The following ADAP1 variants were observed in gnomAD, a reference collection of about 807,000 sequenced individuals.
ADAP1 encodes arf-GAP with dual PH domain-containing protein 1.
A neutral mutation model predicts 54.9 loss-of-function variants in ADAP1; 31 were observed. The observed-to-expected ratio is 0.56, with a 90% CI of 0.42 to 0.76. The LOEUF (loss-of-function observed/expected upper bound fraction) is 0.76. Among genes scored for constraint, ADAP1 ranks in the 30% least tolerant of loss-of-function variants. ADAP1 has a pLI of 0.00. For missense variants in ADAP1, 535 were observed against 512.4 expected, an observed-to-expected ratio of 1.04 and a Z score of -0.42; for synonymous variants, 313 against 202.6, an observed-to-expected ratio of 1.55 and a Z score of -4.63.
In ADAP1 at chr7:905,514, AGGGAGAAGGGAGAAG is replaced by A. The variant is rs1845154386; in HGVS notation, c.389-357_389-343del. ...GAGAAGGGAGAAGGGAGAAGGGAGAAGGGAGAAGGGAGAAGGGAGAAGGGAGAAGGGAGAAGGGAG... is the reference window on the plus strand; with the variant it reads ...GAGAAGGGAGAAGGGAGAAGGGAGAAGGAGAAGGGAGAAGGGAGAAGGGAG... On this transcript the variant is annotated intron_variant, in intron 4 of 10. Transcript: ENST00000265846. 8.5e-5 allele frequency: 3 copies of A among 35,124 alleles called. 1 individual carries two copies. Among genetic ancestry groups the A allele is most frequent in the African/African-American group, 2.2e-4 (2 of 8,902 alleles). The allele number at this position is 35,124 out of a possible 1,614,324, so 2.2% of individuals were successfully genotyped here. A position where few individuals can be genotyped will look rare whatever the true frequency, so the allele number is the denominator to read the frequency against.
Position 899,275 on chromosome 7 carries a change from C to T in ADAP1, c.868-14G>A. ...GGCGAAGGCGTCCTGTGGGTGGGGACCGCACTGGAGGCGGGGCCATGTCCC... is the reference window on the plus strand; with the variant it reads ...GGCGAAGGCGTCCTGTGGGTGGGGATCGCACTGGAGGCGGGGCCATGTCCC... On this transcript the variant is annotated splice_polypyrimidine_tract_variant and intron_variant, in intron 9 of 10. Transcript: ENST00000265846. 1.2e-6 allele frequency: 2 copies of T among 1,612,352 alleles called. No individual in the cohort carries two copies. The highest frequency in any genetic ancestry group is 8.5e-7 in the Non-Finnish European group (1 of 1,179,568).
rs1846387049 is a variant in ADAP1, at chr7:926,345, A to ACCCCAGCCCCCCCCC, written c.305+207_305+208insGGGGGGGGGCTGGGG. Among the ~76,000 whole-genome samples the ACCCCAGCCCCCCCCC allele has an allele frequency of 6.8e-6, 1 of 147,834 alleles. No individual in the cohort carries two copies. Reference sequence around the variant, plus strand: ...GATGCACAATGACCTTCCCAGCCCCACCCCAGCGCCCCCCGCCCCAGAACC... The same window carrying ACCCCAGCCCCCCCCC: ...GATGCACAATGACCTTCCCAGCCCCACCCCAGCCCCCCCCCCCCCAGCGCCCCCCGCCCCAGAACC... On this transcript the variant is annotated intron_variant, in intron 3 of 10. Coordinates refer to ENST00000265846, the MANE Select transcript of ADAP1 (RefSeq NM_006869.4). This position sits in a 1 kb window ranked among gnomAD's most constrained non-coding sequence, Gnocchi z 4.6.
At chr7:935,876 C>G (rs1209181667) in intron 1 of ADAP1, among the ~76,000 whole-genome samples, 1 of 152,180 alleles carries the variant, frequency 6.6e-6, no homozygotes, top group Non-Finnish European at 1.5e-5. Context: ...GTGTCCGCTG[C>G]CCTGGGAGAA....
At chr7:930,347 A>G (rs1367338351) in intron 2 of ADAP1, among the ~76,000 whole-genome samples, 1 of 148,974 alleles carries the variant, frequency 6.7e-6, no homozygotes, top group Non-Finnish European at 1.5e-5. Flanking sequence ...ACATTGCAGC[A>G]GAAAGGCAGG....
At chr7:927,524 G>C in intron 2 of ADAP1, 1 of 470,200 alleles carries the variant, frequency 2.1e-6, no homozygotes, top group Non-Finnish European at 4.4e-6. Context: ...GGCCCAGCCA[G>C]ACTGAAGTCC....
chr7:900,748 G>C (rs536907884), intron 6 of ADAP1, 132 bp from the exon 7 acceptor site: 4 of 766,748 alleles, frequency 5.2e-6, no homozygotes, highest in African/African-American at 1.8e-5. Flanking sequence ...CGGCACCTCA[G>C]CTCCCAGCAG....
Position 904,200 on chromosome 7 carries a change from G to T in ADAP1, c.574C>A (p.Pro192Thr). 3 of 1,611,868 alleles carry T rather than the reference G, an allele frequency of 1.9e-6. No individual in the cohort carries two copies. Among genetic ancestry groups the T allele is most frequent in the Non-Finnish European group, 2.5e-6 (3 of 1,179,472 alleles). The stretch of plus-strand genomic sequence containing the variant: ...AGGTAGGTGACCTGCAGGCCGTGGG[G>T]GTGGCCGATCTTGGCCGGCTGGAAG... ...ATFQPAKIGH[P>T]HGLQVTYLKD... The change falls in exon 6 of 11, where the codon CCC becomes ACC. Residue 192 changes from proline (P) to threonine (T), a missense_variant. Pro to Thr is a conservative substitution (Grantham distance 38). Transcript: ENST00000265846.
chr7:935,607 G>C, intron 1 of ADAP1, 102 bp from the exon 2 acceptor site: 1 of 1,435,838 alleles, frequency 7.0e-7, no homozygotes, highest in Non-Finnish European at 9.3e-7. Flanking sequence ...GCAGTGGGGG[G>C]GGCTTCAGCG....
chr7:918,989 T>C (rs954344098), intron 4 of ADAP1, among the ~76,000 whole-genome samples: 8 of 151,248 alleles, frequency 5.3e-5, no homozygotes, highest in Non-Finnish European at 1.2e-4. Flanking sequence ...TAAGCAGCAC[T>C]GGGGAGACCG....
chr7:898,781 G>A lies in ADAP1; in HGVS notation c.*140C>T, dbSNP rs962066188. On this transcript the variant is annotated 3_prime_UTR_variant, in exon 11 of 11. Coordinates refer to ENST00000265846, the MANE Select transcript of ADAP1 (RefSeq NM_006869.4). ...AGAAGCATCCTGGAAGCTGAAGCTC[G>A]GGCCCTACCTGGCCGCGCCGGGCTG... is the stretch of plus-strand genomic sequence containing the variant. 7.5e-5 allele frequency: 85 copies of A among 1,138,096 alleles called. No homozygotes were observed. Among genetic ancestry groups the A allele is most frequent in the African/African-American group, 4.0e-4 (26 of 64,744 alleles). The allele number at this position is 1,138,096 out of a possible 1,614,324, so 70.5% of individuals were successfully genotyped here.
At chr7:935,545 G>A in intron 1 of ADAP1, 40 bp from the exon 2 acceptor site, 1 of 1,551,328 alleles carries the variant, frequency 6.4e-7, no homozygotes, top group East Asian at 2.4e-5. Flanking sequence ...GCTCAGCCCA[G>A]GGACCCCGGA....
chr7:912,315 A>G (rs1350488301), intron 4 of ADAP1, among the ~76,000 whole-genome samples: 5 of 152,296 alleles, frequency 3.3e-5, no homozygotes, highest in Non-Finnish European at 7.4e-5. Flanking sequence ...GAAAGCCGCC[A>G]TTGAGGCTGC....
At chr7:904,082 C>T (rs746136322) in intron 6 of ADAP1, 44 bp downstream of exon 6, 24 of 1,605,202 alleles carry the variant, frequency 1.5e-5, no homozygotes, top group Non-Finnish European at 1.8e-5. Flanking sequence ...CCTGAGGGCC[C>T]ACCCTCCTGT....
chr7:907,415 C>T (rs1352875729), intron 4 of ADAP1, among the ~76,000 whole-genome samples: 1 of 152,176 alleles, frequency 6.6e-6, no homozygotes, highest in East Asian at 1.9e-4. Context: ...AGGACCCGTC[C>T]TGAGCCCAGA....
At chr7:928,560 G>C (rs1399257379) in intron 2 of ADAP1, among the ~76,000 whole-genome samples, 2 of 152,202 alleles carry the variant, frequency 1.3e-5, no homozygotes, top group East Asian at 3.9e-4. Flanking sequence ...GATTTGATCG[G>C]ACATTTCTCC....
At chr7:912,077 G>A (rs970877111) in intron 4 of ADAP1, among the ~76,000 whole-genome samples, 2 of 152,154 alleles carry the variant, frequency 1.3e-5, no homozygotes, top group Admixed American at 6.5e-5. Context: ...CCCAGACCTC[G>A]TGCACAGCCC....
At chr7:909,719 G>A (rs965152718) in intron 4 of ADAP1, among the ~76,000 whole-genome samples, 4 of 152,264 alleles carry the variant, frequency 2.6e-5, no homozygotes, top group Non-Finnish European at 5.9e-5. Context: ...CGGGTGGGCT[G>A]TGGCCAGAAA....
rs1241762003 is a variant in ADAP1 at position 945,845 on chromosome 7, T to C, written c.82+8551A>G. On this transcript the variant is annotated intron_variant, in intron 1 of 10. Coordinates refer to ENST00000265846, the MANE Select transcript of ADAP1 (RefSeq NM_006869.4). The surrounding 1 kb of genome is among the most constrained non-coding windows in gnomAD (Gnocchi z 4.2). ...GCACCTGGGCAGGTGAGCCACATTC[T>C]TGGGCGGAGCCAGGTGGGGCAGGCG... 2 of 985,412 alleles carry C rather than the reference T, an allele frequency of 2.0e-6. No homozygotes were observed. The highest frequency in any genetic ancestry group is 1.7e-5 in the African/African-American group (1 of 57,258). The allele number at this position is 985,412 out of a possible 1,614,324, so 61.0% of individuals were successfully genotyped here.
rs1846167166 is a variant in ADAP1, at chr7:920,839, GCCCAGGTGCACAGGCAGCCGC to G, written c.306-810_306-790del. 1.3e-6 allele frequency: 2 copies of G among 1,550,036 alleles called. No individual in the cohort carries two copies. The highest frequency in any genetic ancestry group is 1.7e-6 in the Non-Finnish European group (2 of 1,146,888). The stretch of plus-strand genomic sequence containing the variant: ...ACGACCCACACACAGGCCCGGCACG[GCCCAGGTGCACAGGCAGCCGC>G]CCCAGCCTTTTCCACTCCCAGGGAA... On this transcript the variant is annotated intron_variant, in intron 3 of 10. Transcript: ENST00000265846. This position sits in a 1 kb window ranked among gnomAD's most constrained non-coding sequence, Gnocchi z 4.5.
Sources: gnomAD v4.1 joint callset for allele counts (sites outside exome capture counted in the v4.1 genomes callset) on GRCh38, gnomAD v4.1.1 for gene constraint, Gnocchi (gnomAD v3.1) non-coding constraint, MANE v1.5 for transcripts, NCBI Gene and HGNC (gene_info 2026-07-23, HGNC 2026-07-21) for gene names.